Variants in FTO observed in about 807,000 individuals in gnomAD.
FTO encodes FTO alpha-ketoglutarate dependent dioxygenase, also known as alpha-ketoglutarate-dependent dioxygenase FTO.
A neutral mutation model predicts 63.9 loss-of-function variants in FTO; 47 were observed. The observed-to-expected ratio is 0.74, with a 90% CI of 0.58 to 0.94. The LOEUF is 0.94. Ranked by LOEUF, FTO falls within the 40% of genes least tolerant of loss-of-function variation. The probability of loss-of-function intolerance (pLI) is 0.00; values close to 1 mark genes in which losing one functional copy is unlikely to be tolerated. For missense variants in FTO, 562 were observed against 618.1 expected (o/e 0.91, Z 0.96); for synonymous variants, 207 against 224.4 (o/e 0.92, Z 0.69).
At chr16:54,076,899 G>T (rs750849108) in intron 8 of FTO, among the ~76,000 whole-genome samples, 3 of 152,102 alleles carry the variant, frequency 2.0e-5, no homozygotes, top group Non-Finnish European at 4.4e-5. Flanking sequence ...AAACGATGAG[G>T]CATAACCACC....
chr16:53,954,908 G>A (rs954192302), intron 8 of FTO, among the ~76,000 whole-genome samples: 12 of 152,158 alleles, frequency 7.9e-5, no homozygotes, highest in African/African-American at 2.4e-4. Context: ...GCAGAGATGG[G>A]ACTGGCAAAA....
At chr16:53,889,391 T>C (rs1049486571) in intron 7 of FTO, among the ~76,000 whole-genome samples, 9 of 152,170 alleles carry the variant, frequency 5.9e-5, no homozygotes, top group Non-Finnish European at 1.2e-4. Context: ...CCAGGGTCAC[T>C]GAGTAAGTGG....
intron 8 of FTO, among the ~76,000 whole-genome samples, chr16:53,958,180 G>A (rs530756649): frequency 7.2e-4 from 109 of 152,288 alleles, no homozygotes; most frequent in Admixed American, 2.7e-3. Context: ...TAGGGCATGC[G>A]TGGCCATTTT....
chr16:53,965,071 C>A (rs1376007696), intron 8 of FTO, among the ~76,000 whole-genome samples: 1 of 151,964 alleles, frequency 6.6e-6, no homozygotes. Context: ...AGTGATGAAC[C>A]CCCCGCCCTT....
At chr16:53,874,011 T>C in intron 5 of FTO, 146 bp downstream of exon 5, 1 of 676,104 alleles carries the variant, frequency 1.5e-6, no homozygotes, top group Non-Finnish European at 2.7e-6. Context: ...TACTTGCTTT[T>C]TGAGCTTTGG....
At chr16:53,728,195 C>T (rs916680903) in intron 1 of FTO, among the ~76,000 whole-genome samples, 7 of 151,900 alleles carry the variant, frequency 4.6e-5, no homozygotes, top group African/African-American at 1.7e-4. Flanking sequence ...GCTATGATCA[C>T]GCCATTGCAC....
rs545571599 is a variant in FTO at position 53,919,513 on chromosome 16, A to G, written c.1240-14472A>G. Among the ~76,000 whole-genome samples the G allele has an allele frequency of 6.6e-5, 10 of 152,304 alleles. 1 individual carries two copies. The South Asian group carries it at 2.1e-3, about 32-fold the overall frequency. On this transcript the variant is annotated intron_variant, in intron 7 of 8. Coordinates refer to ENST00000471389, the MANE Select transcript of FTO (RefSeq NM_001080432.3). Reference sequence around the variant, plus strand: ...AAAAGAATTCATTATACAAAAAAAGATACTTTCACATGCATGTTTATAGCA... The same window carrying G: ...AAAAGAATTCATTATACAAAAAAAGGTACTTTCACATGCATGTTTATAGCA...
intron 1 of FTO, among the ~76,000 whole-genome samples, chr16:53,792,356 A>C (rs1256099389): frequency 2.0e-5 from 3 of 152,176 alleles, no homozygotes; most frequent in Non-Finnish European, 2.9e-5. Context: ...CTGTGACTAT[A>C]CAGGGGAAAG....
chr16:53,848,815 A>G (rs2079706707), intron 4 of FTO, among the ~76,000 whole-genome samples: 3 of 152,200 alleles, frequency 2.0e-5, no homozygotes, highest in African/African-American at 7.2e-5. Flanking sequence ...ATGTTTCAGG[A>G]CAAAGGTGAG....
intron 2 of FTO, 100 bp from the exon 3 acceptor site, chr16:53,825,764 C>A: frequency 7.4e-7 from 1 of 1,358,082 alleles, no homozygotes; most frequent in Non-Finnish European, 1.0e-6. Flanking sequence ...CCAGGTAGTC[C>A]CCCCACAACT....
chr16:53,909,437 G>A (rs1464100762), intron 7 of FTO, among the ~76,000 whole-genome samples: 1 of 151,314 alleles, frequency 6.6e-6, no homozygotes, highest in Non-Finnish European at 1.5e-5. Context: ...AAGACTTTAT[G>A]GAAGAGGAGT....
chr16:53,885,440 C>G (rs1212601452), intron 6 of FTO, among the ~76,000 whole-genome samples: 1 of 152,164 alleles, frequency 6.6e-6, no homozygotes, highest in Non-Finnish European at 1.5e-5. Context: ...ATCTCATGGG[C>G]AGTACTTCAA....
intron 8 of FTO, among the ~76,000 whole-genome samples, chr16:54,074,915 A>AGTGT (rs1295546396): frequency 1.2e-4 from 15 of 127,356 alleles, no homozygotes; most frequent in East Asian, 5.3e-4. Context: ...AGAGAGAGAG[A>AGTGT]GAGTGTGTGT....
chr16:53,876,234 A>C (rs2080646828), intron 5 of FTO, among the ~76,000 whole-genome samples: 1 of 152,200 alleles, frequency 6.6e-6, no homozygotes, highest in Non-Finnish European at 1.5e-5. Flanking sequence ...GTGATATTTA[A>C]TATATAAGTA....
At chr16:54,005,047 G>C (rs2084164817) in intron 8 of FTO, among the ~76,000 whole-genome samples, 1 of 145,898 alleles carries the variant, frequency 6.9e-6, no homozygotes, top group Non-Finnish European at 1.5e-5. Context: ...TCCAGCCTGG[G>C]CCACAGAGCG....
At chr16:53,748,454 T>C (rs551970124) in intron 1 of FTO, among the ~76,000 whole-genome samples, 36 of 152,184 alleles carry the variant, frequency 2.4e-4, no homozygotes, top group African/African-American at 8.4e-4. Flanking sequence ...TATAGCTATT[T>C]TATTTATTTA....
chr16:54,093,808 A>G (rs1347890314), intron 8 of FTO, among the ~76,000 whole-genome samples: 1 of 152,094 alleles, frequency 6.6e-6, no homozygotes, highest in Non-Finnish European at 1.5e-5. Context: ...CTTTGCCCCC[A>G]TCTCTACCAG....
At chr16:53,783,154 G>A (rs1380719717) in intron 1 of FTO, among the ~76,000 whole-genome samples, 1 of 152,134 alleles carries the variant, frequency 6.6e-6, no homozygotes, top group African/African-American at 2.4e-5. Context: ...ATCAAGAGCA[G>A]CAGACTAAAT....
chr16:53,833,692 G>A (rs755470644), intron 3 of FTO, among the ~76,000 whole-genome samples: 4 of 152,110 alleles, frequency 2.6e-5, no homozygotes, highest in East Asian at 1.9e-4. Flanking sequence ...TTATATTCTC[G>A]CTGGCAATGC....
Sources: gnomAD v4.1 joint callset for allele counts (sites outside exome capture counted in the v4.1 genomes callset) on GRCh38, gnomAD v4.1.1 for gene constraint, MANE v1.5 for transcripts, NCBI Gene and HGNC (gene_info 2026-07-23, HGNC 2026-07-21) for gene names.